Variants in CASP4 observed in about 807,000 individuals in gnomAD.
CASP4 encodes caspase 4.
In CASP4, 29 loss-of-function variants were observed where a neutral mutation model predicts 41.3. That is an observed-to-expected ratio of 0.70 (90% CI 0.52 to 0.96). The LOEUF (loss-of-function observed/expected upper bound fraction) is 0.96, where lower values mean the gene tolerates loss of function less well. Ranked by LOEUF, CASP4 falls within the 40% of genes least tolerant of loss-of-function variation. CASP4 has a pLI of 0.00. For missense variants in CASP4, 447 were observed against 460.6 expected, an observed-to-expected ratio of 0.97 and a Z score of 0.27; for synonymous variants, 185 against 158.4, an observed-to-expected ratio of 1.17 and a Z score of -1.26.
At position 104,944,611 on chromosome 11, in the gene CASP4, A is replaced by G. The variant is rs1341342194; in HGVS notation, c.*5+137T>C. The G allele has an allele frequency of 1.4e-5, 8 of 586,524 alleles. No individual in the cohort carries two copies. In the East Asian group the frequency reaches 2.3e-4, roughly 17 times the overall value. The allele number at this position is 586,524 out of a possible 1,614,324, so 36.3% of individuals were successfully genotyped here. On this transcript the variant is annotated intron_variant, in intron 8 of 8. Coordinates refer to ENST00000444739, the MANE Select transcript of CASP4 (RefSeq NM_001225.4). ...TACATGTAAGTCGGAAAGAAGTAGC[A>G]GATAATCACCAGACTATATCAACAA...
At position 104,949,418 on chromosome 11, in the gene CASP4, T is replaced by C. The variant is rs1378421071; in HGVS notation, c.781+125A>G. The C allele has an allele frequency of 6.9e-6, 7 of 1,013,324 alleles. No homozygotes were observed. In the Admixed American group the frequency reaches 1.6e-4, roughly 23 times the overall value. The allele number at this position is 1,013,324 out of a possible 1,614,324, so 62.8% of individuals were successfully genotyped here. ...ACCAGACCCTTAGGTAGAGTTTCTTTAGAATTCAATGTACTTTATTTACAC... is the reference window on the plus strand; with the variant it reads ...ACCAGACCCTTAGGTAGAGTTTCTTCAGAATTCAATGTACTTTATTTACAC... On this transcript the variant is annotated intron_variant, in intron 5 of 8. Transcript: ENST00000444739.
chr11:104,947,934 A>G (rs1860503899), intron 6 of CASP4: 1 of 152,224 alleles, frequency 6.6e-6, no homozygotes, highest in Admixed American at 6.5e-5. Flanking sequence ...GAAATCTCCA[A>G]ACTCATTAAG....
At chr11:104,966,323 G>A (rs1302004909) in intron 1 of CASP4, among the ~76,000 whole-genome samples, 2 of 151,520 alleles carry the variant, frequency 1.3e-5, no homozygotes, top group African/African-American at 4.9e-5. Flanking sequence ...ATCCATTCAG[G>A]TATATTTAAT....
chr11:104,944,831 AG>A lies in CASP4; in HGVS notation c.1055del (p.Thr352IlefsTer11). 1 of 1,612,740 alleles carries A rather than the reference AG, an allele frequency of 6.2e-7. No individual in the cohort carries two copies. ...TGGGCATTTGAGCTTTGGCCCTTGG[AG>A]TTTCAAATGATTGCTGTACCTGAAA... The part of the protein sequence containing the change: ...VFRKVQQSFE[T>X]PRAKAQMPTI... On this transcript the variant is annotated frameshift_variant, in exon 8 of 9. Coordinates refer to ENST00000444739, the MANE Select transcript of CASP4 (RefSeq NM_001225.4). LOFTEE classifies it high-confidence loss of function.
intron 1 of CASP4, among the ~76,000 whole-genome samples, chr11:104,956,435 T>C (rs988064584): frequency 1.3e-5 from 2 of 152,070 alleles, no homozygotes; most frequent in East Asian, 3.9e-4. Context: ...AAATTCCATA[T>C]AAAACATATA....
Position 104,956,649 on chromosome 11 carries a change from G to C in CASP4, c.8-1648C>G, listed in dbSNP as rs562812423. The C allele has an allele frequency of 4.1e-6, 4 of 984,866 alleles. No individual in the cohort carries two copies. In the South Asian group the frequency reaches 1.9e-4, roughly 46 times the overall value. 61.0% of individuals were successfully genotyped at this position (984,866 alleles called of 1,614,324 possible). A position where few individuals can be genotyped will look rare whatever the true frequency, so the allele number is the denominator to read the frequency against. ...AGAATGTAGACAAGATATTTAAGGG[G>C]CTCAGAAAACATTAGTGCATTCCAA... is the stretch of plus-strand genomic sequence containing the variant. On this transcript the variant is annotated intron_variant, in intron 1 of 8. Transcript: ENST00000444739.
Position 104,948,569 on chromosome 11 carries a change from C to T in CASP4, c.889G>A (p.Glu297Lys). 1 of 1,610,944 alleles carries T rather than the reference C, an allele frequency of 6.2e-7. No individual in the cohort carries two copies. The highest frequency in any genetic ancestry group is 8.5e-7 in the Non-Finnish European group (1 of 1,178,076). Residue 297 changes from glutamate (E) to lysine (K), a missense_variant, in exon 6 of 9, where the codon GAG (glutamate) becomes AAG (lysine). Glu to Lys is a moderately conservative substitution (Grantham distance 56). Coordinates refer to ENST00000444739, the MANE Select transcript of CASP4 (RefSeq NM_001225.4). ...EEDAVYKTHVEKDFIAFCSST... is the reference protein window; with the variant it reads ...EEDAVYKTHVKKDFIAFCSST... ...GAGCAGAAAGCAATGAAGTCCTTCT[C>T]CACGTGGGTCTTGTAAACAGCATCT...
chr11:104,964,998 C>A (rs188516943), intron 1 of CASP4, among the ~76,000 whole-genome samples: 1 of 152,092 alleles, frequency 6.6e-6, no homozygotes, highest in African/African-American at 2.4e-5. Context: ...CAGATTAGTT[C>A]TATTATAATT....
intron 6 of CASP4, chr11:104,948,053 T>C (rs1373376169): frequency 6.6e-6 from 1 of 152,106 alleles, no homozygotes; most frequent in African/African-American, 2.4e-5. Context: ...AAATGTACGC[T>C]CCTTAAGATA....
chr11:104,949,647 G>T lies in CASP4; in HGVS notation c.677C>A (p.Pro226Gln), dbSNP rs1860555025. The T allele has an allele frequency of 1.2e-6, 2 of 1,613,806 alleles. No individual in the cohort carries two copies. The highest frequency in any genetic ancestry group is 1.7e-5 in the Admixed American group (1 of 59,948). ...ICGTVHDEKK[P>Q]DVLLYDTIFQ... is the part of the protein sequence containing the mutation. ...GATGGTGTCATAAAGCAGCACATCTGGTTTTTTCTCATCATGCACAGTTCC... is the reference window on the plus strand; with the variant it reads ...GATGGTGTCATAAAGCAGCACATCTTGTTTTTTCTCATCATGCACAGTTCC... The change falls in exon 5 of 9, where the codon CCA (proline) becomes CAA (glutamine). Residue 226 changes from proline to glutamine, a missense_variant. Transcript: ENST00000444739.
chr11:104,947,423 G>T (rs775155912), intron 6 of CASP4: 1 of 295,978 alleles, frequency 3.4e-6, no homozygotes, highest in Non-Finnish European at 6.2e-6. Flanking sequence ...AAGAGATTGT[G>T]TATTGAAGAA....
intron 1 of CASP4, among the ~76,000 whole-genome samples, chr11:104,960,530 T>C (rs759723575): frequency 3.9e-5 from 6 of 152,066 alleles, no homozygotes; most frequent in Admixed American, 6.6e-5. Flanking sequence ...AGTGCAGTGG[T>C]GCTATCTTGG....
At chr11:104,949,236 T>C (rs1240227994) in intron 5 of CASP4, 1 of 403,560 alleles carries the variant, frequency 2.5e-6, no homozygotes, top group Non-Finnish European at 4.5e-6. Flanking sequence ...GTAAAACATT[T>C]ACAAATCAAG....
intron 2 of CASP4, among the ~76,000 whole-genome samples, 196 bp downstream of exon 2, chr11:104,954,551 C>T (rs1017870441): frequency 2.6e-5 from 4 of 152,106 alleles, no homozygotes; most frequent in Non-Finnish European, 5.9e-5. Flanking sequence ...CACAAGGACT[C>T]AGCCTTTTAG....
At chr11:104,945,571 T>C (rs1165869114) in intron 7 of CASP4, among the ~76,000 whole-genome samples, 1 of 152,124 alleles carries the variant, frequency 6.6e-6, no homozygotes, top group Non-Finnish European at 1.5e-5. Flanking sequence ...ATCTTATCTT[T>C]AAGACCCAAA....
At position 104,954,975 on chromosome 11, in the gene CASP4, T is replaced by G. The variant is rs1860704497; in HGVS notation, c.34A>C (p.Lys12Gln). The G allele has an allele frequency of 8.1e-6, 13 of 1,613,378 alleles. No individual in the cohort carries two copies. Among genetic ancestry groups the G allele is most frequent in the Non-Finnish European group, 1.1e-5 (13 of 1,179,656 alleles). Residue 12 changes from lysine (K) to glutamine (Q), a missense_variant, in exon 2 of 9, where the codon AAG becomes CAG. Physicochemically the swap from Lys to Gln is moderately conservative, Grantham distance 53. Coordinates refer to ENST00000444739, the MANE Select transcript of CASP4 (RefSeq NM_001225.4). ...AEGNHRKKPL[K>Q]VLESLGKDFL... ...TCTTTGCCCAGGGATTCCAACACCT[T>G]AAGTGGCTTTTTTCTGTGGTTGCCT...
rs1346780047 is a variant in CASP4 at position 104,951,105 on chromosome 11, G to A, written c.373-7C>T. ...TCTCCTTTATTGGATAGATCTGCAG[G>A]ATATGGAGATGCAATAAATTTAATT... On this transcript the variant is annotated splice_polypyrimidine_tract_variant and splice_region_variant and intron_variant, in intron 3 of 8. Transcript: ENST00000444739. 6.2e-7 allele frequency: 1 copy of A among 1,605,776 alleles called. No individual in the cohort carries two copies. Among genetic ancestry groups the A allele is most frequent in the Non-Finnish European group, 8.5e-7 (1 of 1,175,510 alleles).
At chr11:104,950,123 C>A (rs1211005557) in intron 4 of CASP4, among the ~76,000 whole-genome samples, 1 of 152,090 alleles carries the variant, frequency 6.6e-6, no homozygotes, top group Admixed American at 6.6e-5. Flanking sequence ...AAATCCATCC[C>A]ACTATGCTTA....
intron 3 of CASP4, 155 bp downstream of exon 3, chr11:104,951,741 G>A: frequency 2.9e-6 from 2 of 683,142 alleles, no homozygotes; most frequent in Non-Finnish European, 5.4e-6. Context: ...TGGTATCATT[G>A]TGAAGTCACA....
Sources: allele counts gnomAD v4.1 joint callset (sites outside exome capture counted in the v4.1 genomes callset), GRCh38; gene constraint gnomAD v4.1.1; transcripts MANE v1.5; gene names NCBI Gene and HGNC (gene_info 2026-07-23, HGNC 2026-07-21).